Variants in ARID4A observed in about 807,000 individuals in gnomAD.
The protein encoded by ARID4A is AT-rich interaction domain 4A.
A neutral mutation model predicts 148.6 loss-of-function variants in ARID4A; 39 were observed. That is an observed-to-expected ratio of 0.26 (90% CI 0.20 to 0.34). The LOEUF (loss-of-function observed/expected upper bound fraction) is 0.34. Ranked by LOEUF, ARID4A falls within the 10% of genes least tolerant of loss-of-function variation. ARID4A has a pLI of 1.00. For missense variants in ARID4A, 1,265 were observed against 1,449.1 expected (o/e 0.87, Z 2.06); for synonymous variants, 475 against 481.2 (o/e 0.99, Z 0.17).
intron 23 of ARID4A, among the ~76,000 whole-genome samples, chr14:58,368,512 A>G (rs1180988055): frequency 1.3e-5 from 2 of 152,184 alleles, no homozygotes; most frequent in Non-Finnish European, 2.9e-5. Context: ...AAGCCCCTAC[A>G]TAAAGGCAGA....
At chr14:58,325,636 T>TTA (rs2033166788) in intron 8 of ARID4A, among the ~76,000 whole-genome samples, 1 of 152,194 alleles carries the variant, frequency 6.6e-6, no homozygotes, top group South Asian at 2.1e-4. Context: ...TTATCTCTAA[T>TTA]AATAATTGTG....
At chr14:58,351,418 C>CTTTTTTTTTT in intron 16 of ARID4A, 95 bp downstream of exon 16, 1 of 1,449,386 alleles carries the variant, frequency 6.9e-7, no homozygotes, top group Non-Finnish European at 9.3e-7. Flanking sequence ...GGAATGTTTT[C>CTTTTTTTTTT]TTATTGGGAC....
chr14:58,316,995 A>T (rs1326193549), intron 5 of ARID4A, among the ~76,000 whole-genome samples: 8 of 151,378 alleles, frequency 5.3e-5, no homozygotes, highest in African/African-American at 1.9e-4. Context: ...GATGGAGACC[A>T]TCCTGGCTAA....
At chr14:58,323,896 CTTTTTTTTTTTTTTT>C (rs545318449) in intron 8 of ARID4A, among the ~76,000 whole-genome samples, 11 of 104,178 alleles carry the variant, frequency 1.1e-4, no homozygotes, top group Non-Finnish European at 1.8e-4. Flanking sequence ...CTTAGGTTCC[CTTTTTTTTTTTTTTT>C]TTTTTTTTTT....
chr14:58,306,381 CAT>C (rs951212358), intron 5 of ARID4A, among the ~76,000 whole-genome samples: 1 of 152,204 alleles, frequency 6.6e-6, no homozygotes, highest in Non-Finnish European at 1.5e-5. Flanking sequence ...AGTTAGATCA[CAT>C]GATTGTGATC....
Position 58,366,202 on chromosome 14 carries a change from T to A in ARID4A, c.3495T>A (p.Pro1165=), listed in dbSNP as rs761996103. The A allele has an allele frequency of 1.9e-6, 3 of 1,613,678 alleles. No homozygotes were observed. The highest frequency in any genetic ancestry group is 2.5e-6 in the Non-Finnish European group (3 of 1,179,676). The change falls in exon 22 of 24, where the codon CCT becomes CCA. Residue 1165 remains proline (P), a synonymous_variant. Transcript: ENST00000355431. ...GAGAAAAACATCCGAATTCATCCCCTAGGACATATAAATGGAGCTTTCAGC... is the reference window on the plus strand; with the variant it reads ...GAGAAAAACATCCGAATTCATCCCCAAGGACATATAAATGGAGCTTTCAGC... The part of the protein sequence containing the change: ...KHREKHPNSS[P]RTYKWSFQLN...
intron 7 of ARID4A, among the ~76,000 whole-genome samples, chr14:58,320,214 G>C (rs931409262): frequency 1.1e-4 from 16 of 151,694 alleles, no homozygotes; most frequent in African/African-American, 3.9e-4. Context: ...CCAAAGTGTT[G>C]GGATTACAGG....
chr14:58,330,215 T>A, intron 11 of ARID4A, 46 bp downstream of exon 11: 3 of 1,579,122 alleles, frequency 1.9e-6, no homozygotes, highest in Non-Finnish European at 2.6e-6. Flanking sequence ...TAATACTCTC[T>A]AGTGAAAATA....
intron 12 of ARID4A, 87 bp from the exon 13 acceptor site, chr14:58,346,324 G>A (rs1377971219): frequency 5.8e-6 from 5 of 865,126 alleles, no homozygotes; most frequent in Admixed American, 5.0e-5. Context: ...AATGAAATTG[G>A]GGAAATTAGA....
intron 5 of ARID4A, among the ~76,000 whole-genome samples, chr14:58,313,332 CTT>C (rs2032184217): frequency 6.6e-6 from 1 of 152,152 alleles, no homozygotes; most frequent in South Asian, 2.1e-4. Flanking sequence ...AACTCTTCCT[CTT>C]TAGATCATCA....
intron 1 of ARID4A, among the ~76,000 whole-genome samples, chr14:58,298,989 C>G (rs1390260248): frequency 2.0e-5 from 3 of 152,202 alleles, no homozygotes; most frequent in African/African-American, 7.2e-5. Flanking sequence ...CGGTGAAGAG[C>G]GGGCTGCTTG....
At chr14:58,356,741 C>T (rs938471745) in intron 17 of ARID4A, among the ~76,000 whole-genome samples, 14 of 142,826 alleles carry the variant, frequency 9.8e-5, no homozygotes, top group African/African-American at 3.4e-4. Flanking sequence ...CTTGCTCTGT[C>T]GCCAGGCTGG....
Position 58,353,755 on chromosome 14 carries a change from C to T in ARID4A, c.1753C>T (p.Arg585Ter), listed in dbSNP as rs151193043. 6.2e-7 allele frequency: 1 copy of T among 1,613,754 alleles called. No individual in the cohort carries two copies. The highest frequency in any genetic ancestry group is 8.5e-7 in the Non-Finnish European group (1 of 1,179,888). The change falls in exon 17 of 24, where the codon CGA (arginine) becomes TGA (stop). Residue 585 changes from arginine to a stop codon, truncating the protein, a stop_gained. Transcript: ENST00000355431. LOFTEE classifies it high-confidence loss of function. Reference sequence around the variant, plus strand: ...AACCAAAGTGAAAGTAAAATATGGACGAGGGAAGACTCAGAAAATTTATGA... The same window carrying T: ...AACCAAAGTGAAAGTAAAATATGGATGAGGGAAGACTCAGAAAATTTATGA... The part of the protein sequence containing the change: ...TGTKVKVKYG[R>*]GKTQKIYEAS...
intron 15 of ARID4A, among the ~76,000 whole-genome samples, chr14:58,349,385 G>A (rs944183144): frequency 6.6e-6 from 1 of 151,938 alleles, no homozygotes; most frequent in Non-Finnish European, 1.5e-5. Flanking sequence ...GGTGGCTCAT[G>A]CCTGTAATCC....
chr14:58,361,049 G>C lies in ARID4A; in HGVS notation c.2080+7G>C. The C allele has an allele frequency of 6.2e-7, 1 of 1,612,976 alleles. No individual in the cohort carries two copies. Among genetic ancestry groups the C allele is most frequent in the Non-Finnish European group, 8.5e-7 (1 of 1,179,544 alleles). ...AACAGTGAAGGAAAATCAGGTACCA[G>C]AAGTGCTCGCAGCAATATACCAGAC... On this transcript the variant is annotated splice_region_variant and intron_variant, in intron 19 of 23. Transcript: ENST00000355431.
chr14:58,370,089 A>G (rs1394664294), intron 23 of ARID4A: 1 of 152,238 alleles, frequency 6.6e-6, no homozygotes, highest in Non-Finnish European at 1.5e-5. Flanking sequence ...TCCTAGAAAT[A>G]GGAACAGGAT....
In ARID4A at chr14:58,350,200, T is replaced by C. The variant is rs567449894; in HGVS notation, c.1405-873T>C. Reference sequence around the variant, plus strand: ...GAAGTGCCATCTTGGAACTTGTGTGTTAGTGCTTTAAGATAGAAAGAAATT... The same window carrying C: ...GAAGTGCCATCTTGGAACTTGTGTGCTAGTGCTTTAAGATAGAAAGAAATT... On this transcript the variant is annotated intron_variant, in intron 15 of 23. Transcript: ENST00000355431. Among the ~76,000 whole-genome samples the C allele has an allele frequency of 2.7e-4, 41 of 151,718 alleles. 1 individual carries two copies. Among genetic ancestry groups the C allele is most frequent in the Middle Eastern group, 3.4e-3 (1 of 294 alleles).
chr14:58,356,528 A>G (rs1169044363), intron 17 of ARID4A, among the ~76,000 whole-genome samples: 1 of 152,132 alleles, frequency 6.6e-6, no homozygotes, highest in Non-Finnish European at 1.5e-5. Context: ...TATGATGCTC[A>G]TAGCCAGTCT....
At chr14:58,339,263 C>T (rs781290262) in intron 11 of ARID4A, among the ~76,000 whole-genome samples, 23 of 152,012 alleles carry the variant, frequency 1.5e-4, no homozygotes, top group Non-Finnish European at 2.5e-4. Context: ...AGGCAGGAGC[C>T]ACTGAGCCTG....
Sources: gnomAD v4.1 joint callset for allele counts (sites outside exome capture counted in the v4.1 genomes callset) on GRCh38, gnomAD v4.1.1 for gene constraint, MANE v1.5 for transcripts, NCBI Gene and HGNC (gene_info 2026-07-23, HGNC 2026-07-21) for gene names.